ADAMTS9: variants seen among roughly 807,000 people sequenced by gnomAD.
ADAMTS9 encodes A disintegrin and metalloproteinase with thrombospondin motifs 9.
A neutral mutation model predicts 257.1 loss-of-function variants in ADAMTS9; 107 were observed. The observed-to-expected ratio is 0.42, with a 90% CI of 0.36 to 0.49. The LOEUF (loss-of-function observed/expected upper bound fraction) is 0.49. ADAMTS9 is among the 20% of genes least tolerant of loss of function. The probability of loss-of-function intolerance (pLI) is 0.03; values close to 1 mark genes in which losing one functional copy is unlikely to be tolerated. For synonymous variants in ADAMTS9, 982 were observed against 880.9 expected, an observed-to-expected ratio of 1.11 and a Z score of -2.03; for missense variants, 2,353 against 2,469.1, an observed-to-expected ratio of 0.95 and a Z score of 1.00.
intron 2 of ADAMTS9, among the ~76,000 whole-genome samples, chr3:64,683,509 A>C (rs1279868448): frequency 6.6e-6 from 1 of 152,186 alleles, no homozygotes; most frequent in African/African-American, 2.4e-5. Context: ...TCCAGCTCTC[A>C]AAGTCTCAGA....
intron 26 of ADAMTS9, among the ~76,000 whole-genome samples, chr3:64,599,316 C>T (rs1576100987): frequency 6.6e-6 from 1 of 152,198 alleles, no homozygotes; most frequent in Admixed American, 6.5e-5. Flanking sequence ...AACAAAGTCC[C>T]TGTCCTCTTT....
intron 39 of ADAMTS9, among the ~76,000 whole-genome samples, chr3:64,517,991 C>T (rs536739121): frequency 6.6e-5 from 10 of 152,212 alleles, no homozygotes; most frequent in South Asian, 4.2e-4. Flanking sequence ...TGTTCAAAAG[C>T]GACCATGCGA....
At chr3:64,629,711 G>A (rs1396167025) in intron 16 of ADAMTS9, among the ~76,000 whole-genome samples, 4 of 152,168 alleles carry the variant, frequency 2.6e-5, no homozygotes, top group African/African-American at 9.7e-5. Context: ...AAAAAGTAAC[G>A]TCCAAGAAGA....
chr3:64,589,433 C>T lies in ADAMTS9; in HGVS notation c.4356+4825G>A, dbSNP rs185356934. ...ACAAGATTAATAGTCAGTACCCTAA[C>T]GACAAGGTCCTATCACTGAAGTAGA... is the stretch of plus-strand genomic sequence containing the variant. On this transcript the variant is annotated intron_variant, in intron 28 of 39. Coordinates refer to ENST00000498707, the MANE Select transcript of ADAMTS9 (RefSeq NM_182920.2). 1.9e-3 allele frequency: 292 copies of T among 152,272 alleles called. 1 individual carries two copies. The highest frequency in any genetic ancestry group is 6.6e-3 in the African/African-American group (275 of 41,572). 9.4% of individuals were successfully genotyped at this position (152,272 alleles called of 1,614,324 possible). A position where few individuals can be genotyped will look rare whatever the true frequency, so the allele number is the denominator to read the frequency against.
intron 30 of ADAMTS9, among the ~76,000 whole-genome samples, chr3:64,555,512 G>T (rs1183869699): frequency 6.6e-6 from 1 of 152,120 alleles, no homozygotes; most frequent in Non-Finnish European, 1.5e-5. Flanking sequence ...TCCCAACTTG[G>T]GTTCCCATGT....
intron 3 of ADAMTS9, among the ~76,000 whole-genome samples, chr3:64,668,007 C>T (rs1456629213): frequency 2.0e-5 from 3 of 152,076 alleles, no homozygotes; most frequent in Non-Finnish European, 2.9e-5. Context: ...TGCAAAGTAC[C>T]CTTTAGGAAA....
chr3:64,552,072 A>C (rs1390163002), intron 30 of ADAMTS9, among the ~76,000 whole-genome samples: 1 of 152,258 alleles, frequency 6.6e-6, no homozygotes, highest in Admixed American at 6.5e-5. Context: ...TAGCAAAGGC[A>C]GACAACAAAG....
In ADAMTS9 at chr3:64,655,791, C is replaced by A; in HGVS notation, c.1053+1G>T. The A allele has an allele frequency of 6.4e-7, 1 of 1,569,368 alleles. No individual in the cohort carries two copies. The highest frequency in any genetic ancestry group is 8.6e-7 in the Non-Finnish European group (1 of 1,158,080). ...AAGAAAAAAGAAAAAAACTTTATTA[C>A]CTGTTCATTATGAATCACAATTAAG... On this transcript the variant is annotated splice_donor_variant, in intron 5 of 39. Coordinates refer to ENST00000498707, the MANE Select transcript of ADAMTS9 (RefSeq NM_182920.2). LOFTEE classifies it high-confidence loss of function.
At chr3:64,583,377 A>ACATT (rs1357230466) in intron 28 of ADAMTS9, 3 of 152,188 alleles carry the variant, frequency 2.0e-5, no homozygotes, top group Non-Finnish European at 4.4e-5. Context: ...AATCTCACCT[A>ACATT]CATTTTATGG....
chr3:64,561,694 T>C lies in ADAMTS9; in HGVS notation c.4582A>G (p.Thr1528Ala). Residue 1528 changes from threonine to alanine, a missense_variant, in exon 30 of 40, where the codon ACA (threonine) becomes GCA (alanine). This residue lies in a region of ADAMTS9 where 1,402 missense variants were observed against 1,441.4 expected (regional missense o/e 0.97). Transcript: ENST00000498707. ...TCGGTCTCTCTGGCTATTTTGTGTG[T>C]TCCGATCTGACAGCCCACATGCCTC... ...QQRHVGCQIG[T>A]HKIARETECN... is the part of the protein sequence containing the mutation. 1 of 1,613,980 alleles carries C rather than the reference T, an allele frequency of 6.2e-7. No homozygotes were observed. The highest frequency in any genetic ancestry group is 8.5e-7 in the Non-Finnish European group (1 of 1,179,986).
intron 30 of ADAMTS9, among the ~76,000 whole-genome samples, chr3:64,560,481 T>C (rs373177486): frequency 6.6e-6 from 1 of 152,326 alleles, no homozygotes. Flanking sequence ...AATGCAGTTC[T>C]AGTATTTCTT....
rs765011431 is a variant in ADAMTS9, at chr3:64,546,868, T to C, written c.4954A>G (p.Ser1652Gly). 1 of 1,614,018 alleles carries C rather than the reference T, an allele frequency of 6.2e-7. No homozygotes were observed. Among genetic ancestry groups the C allele is most frequent in the Non-Finnish European group, 8.5e-7 (1 of 1,180,020 alleles). ...GGGCAGTTGATGGTGGTTTGGTAGC[T>C]GTATTCATAATTCTCCTTCCCGGTG... ...IYTGKENYEY[S>G]YQTTINCPGT... is the part of the protein sequence containing the mutation. The change falls in exon 32 of 40, where the codon AGC (serine) becomes GGC (glycine). Residue 1652 changes from serine to glycine, a missense_variant. Ser to Gly is a moderately conservative substitution (Grantham distance 56). Coordinates refer to ENST00000498707, the MANE Select transcript of ADAMTS9 (RefSeq NM_182920.2).
chr3:64,568,852 G>C (rs1054699188), intron 28 of ADAMTS9: 1 of 262,622 alleles, frequency 3.8e-6, no homozygotes, highest in Non-Finnish European at 7.1e-6. Flanking sequence ...ATTTTAAGAA[G>C]TCCTACTATG....
At chr3:64,643,723 C>T (rs1410600902) in intron 11 of ADAMTS9, among the ~76,000 whole-genome samples, 1 of 151,844 alleles carries the variant, frequency 6.6e-6, no homozygotes, top group African/African-American at 2.4e-5. Context: ...CCTTGGCCTC[C>T]CAAACTGCTG....
chr3:64,533,654 A>G (rs1249292580), intron 37 of ADAMTS9, among the ~76,000 whole-genome samples: 3 of 152,228 alleles, frequency 2.0e-5, no homozygotes, highest in African/African-American at 7.2e-5. Flanking sequence ...TCCTTCAGGA[A>G]CAAAATGTCA....
intron 12 of ADAMTS9, among the ~76,000 whole-genome samples, chr3:64,638,793 GA>G (rs963884718): frequency 4.0e-5 from 6 of 151,220 alleles, no homozygotes; most frequent in African/African-American, 7.3e-5. Context: ...CTTTCAGGGG[GA>G]AAAAAACTCT....
intron 12 of ADAMTS9, among the ~76,000 whole-genome samples, chr3:64,639,969 T>C (rs1044672826): frequency 6.6e-6 from 1 of 152,206 alleles, no homozygotes; most frequent in African/African-American, 2.4e-5. Context: ...TCATGGGGAG[T>C]AGGCAGGAAG....
At chr3:64,636,684 A>C (rs1233645053) in intron 12 of ADAMTS9, among the ~76,000 whole-genome samples, 1 of 152,234 alleles carries the variant, frequency 6.6e-6, no homozygotes, top group Admixed American at 6.5e-5. Context: ...AATTTTTACA[A>C]AGAAGAAGAT....
chr3:64,685,710 C>T (rs939200037), intron 2 of ADAMTS9, among the ~76,000 whole-genome samples: 11 of 152,172 alleles, frequency 7.2e-5, no homozygotes, highest in Non-Finnish European at 1.2e-4. Flanking sequence ...GGCGGCCTCC[C>T]CGCCCTGCCT....
Sources: allele counts gnomAD v4.1 joint callset (sites outside exome capture counted in the v4.1 genomes callset), GRCh38; gene constraint gnomAD v4.1.1; regional missense constraint gnomAD v4.1.1; transcripts MANE v1.5; gene names NCBI Gene and HGNC (gene_info 2026-07-23, HGNC 2026-07-21).